The following PIK3C2A variants were observed in gnomAD, a reference collection of about 807,000 sequenced individuals.
PIK3C2A encodes the protein phosphatidylinositol-4-phosphate 3-kinase catalytic subunit type 2 alpha, also known as phosphatidylinositol 4-phosphate 3-kinase C2 domain-containing subunit alpha.
PIK3C2A carries 97 observed loss-of-function variants against 204.5 expected under a neutral mutation model. The ratio of observed to expected loss-of-function variants is 0.47; its 90% CI spans 0.40 to 0.56. The LOEUF is 0.56. PIK3C2A is among the 20% of genes least tolerant of loss of function. The pLI is 0.00. For missense variants in PIK3C2A, 1,735 were observed against 1,969.2 expected, an observed-to-expected ratio of 0.88 and a Z score of 2.25; for synonymous variants, 653 against 664.4, an observed-to-expected ratio of 0.98 and a Z score of 0.26.
intron 26 of PIK3C2A, among the ~76,000 whole-genome samples, chr11:17,099,629 TA>T (rs1169473378): frequency 6.6e-6 from 1 of 151,084 alleles, no homozygotes; most frequent in Non-Finnish European, 1.5e-5. Context: ...ACATATTAAA[TA>T]AACCTTGAGA....
chr11:17,191,970 TAAA>T (rs1194219889), intron 1 of PIK3C2A, among the ~76,000 whole-genome samples: 4 of 117,728 alleles, frequency 3.4e-5, no homozygotes, highest in Admixed American at 8.8e-5. Context: ...CTGCTTCTAC[TAAA>T]AAAAAAAAAA....
chr11:17,190,108 C>A (rs1851890533), intron 1 of PIK3C2A, among the ~76,000 whole-genome samples: 1 of 151,724 alleles, frequency 6.6e-6, no homozygotes, highest in Admixed American at 6.6e-5. Flanking sequence ...ACTAAAAATA[C>A]AAAAATTAGC....
chr11:17,160,307 G>A (rs956129352), intron 2 of PIK3C2A, among the ~76,000 whole-genome samples: 1 of 152,098 alleles, frequency 6.6e-6, no homozygotes, highest in Non-Finnish European at 1.5e-5. Context: ...TATGTTTAAA[G>A]GCTAGACAAA....
intron 2 of PIK3C2A, among the ~76,000 whole-genome samples, chr11:17,166,980 T>C (rs1850977836): frequency 6.7e-6 from 1 of 150,158 alleles, no homozygotes; most frequent in Admixed American, 6.6e-5. Context: ...CAACTGCCCC[T>C]TTTTTTTTGA....
chr11:17,110,458 T>C lies in PIK3C2A; in HGVS notation c.3518A>G (p.Lys1173Arg). 1.2e-6 allele frequency: 2 copies of C among 1,611,722 alleles called. No homozygotes were observed. Among genetic ancestry groups the C allele is most frequent in the Non-Finnish European group, 1.7e-6 (2 of 1,178,686 alleles). ...EGLDLRMVIFKCLSTGRDRGM... is the reference protein window; with the variant it reads ...EGLDLRMVIFRCLSTGRDRGM... ...TCGATCTCTGCCAGTTGAGAGACAT[T>C]TGAAAATTACCATCCTCAGATCTAG... Residue 1173 changes from lysine to arginine, a missense_variant, in exon 22 of 33, where the codon AAA becomes AGA. Physicochemically the swap from Lys to Arg is conservative, Grantham distance 26. Around this residue, in one of 6 missense-constraint regions of PIK3C2A, gnomAD observed 503 missense variants for 669.0 expected, o/e 0.75. Transcript: ENST00000691414.
At chr11:17,163,696 G>A (rs916278277) in intron 2 of PIK3C2A, among the ~76,000 whole-genome samples, 1 of 151,936 alleles carries the variant, frequency 6.6e-6, no homozygotes, top group African/African-American at 2.4e-5. Flanking sequence ...TTACAGGCAT[G>A]AGCCACCAAA....
chr11:17,207,669 G>A (rs1375341566), intron 1 of PIK3C2A, among the ~76,000 whole-genome samples, 179 bp downstream of exon 1: 1 of 152,134 alleles, frequency 6.6e-6, no homozygotes, highest in East Asian at 1.9e-4. Flanking sequence ...AGGCCCGGAG[G>A]GAGGGGGGAG....
chr11:17,184,910 T>C (rs1269945477), intron 1 of PIK3C2A, among the ~76,000 whole-genome samples: 6 of 152,156 alleles, frequency 3.9e-5, no homozygotes, highest in Admixed American at 3.9e-4. Context: ...ACCATTGCAC[T>C]AGCCTGATCA....
rs1416685209 is a variant in PIK3C2A, at chr11:17,105,273, G to C, written c.3577C>G (p.Leu1193Val). Reference sequence around the variant, plus strand: ...CCATATTCCACTTGGATTTTCCTGAGGGTATCGGAAGCAGGAACCAGCTCC... The same window carrying C: ...CCATATTCCACTTGGATTTTCCTGACGGTATCGGAAGCAGGAACCAGCTCC... ...MVELVPASDT[L>V]RKIQVEYGVT... Residue 1193 changes from leucine (L) to valine (V), a missense_variant, in exon 23 of 33, where the codon CTC becomes GTC. Coordinates refer to ENST00000691414, the MANE Select transcript of PIK3C2A (RefSeq NM_002645.4). 3.1e-6 allele frequency: 5 copies of C among 1,610,446 alleles called. No homozygotes were observed. The highest frequency in any genetic ancestry group is 4.2e-6 in the Non-Finnish European group (5 of 1,178,288).
Position 17,119,828 on chromosome 11 carries a change from G to T in PIK3C2A, c.2804C>A (p.Pro935His). The change falls in exon 16 of 33, where the codon CCT becomes CAT. Residue 935 changes from proline to histidine, a missense_variant. Physicochemically the swap from Pro to His is moderately conservative, Grantham distance 77 (BLOSUM62 -2). Around this residue, in one of 6 missense-constraint regions of PIK3C2A, gnomAD observed 567 missense variants for 576.0 expected, o/e 0.98. Coordinates refer to ENST00000691414, the MANE Select transcript of PIK3C2A (RefSeq NM_002645.4). ...CAATGCAATTAGTGGGTACAATGCA[G>T]GCCACTGGTGAAGCAATGAGTAAGT... is the stretch of plus-strand genomic sequence containing the variant. ...AKTYSLLHQWPALYPLIALEL... is the reference protein window; with the variant it reads ...AKTYSLLHQWHALYPLIALEL... 6.2e-7 allele frequency: 1 copy of T among 1,603,668 alleles called. No homozygotes were observed. The highest frequency in any genetic ancestry group is 1.7e-5 in the Admixed American group (1 of 57,754).
intron 12 of PIK3C2A, 58 bp from the exon 13 acceptor site, chr11:17,129,525 A>C: frequency 9.4e-7 from 1 of 1,067,404 alleles, no homozygotes; most frequent in Non-Finnish European, 1.4e-6. Context: ...TTGAAATTTA[A>C]CACTTTAATG....
At chr11:17,114,169 T>C (rs903813829) in intron 20 of PIK3C2A, among the ~76,000 whole-genome samples, 192 bp downstream of exon 20, 1 of 150,042 alleles carries the variant, frequency 6.7e-6, no homozygotes, top group Non-Finnish European at 1.5e-5. Context: ...AATTTTATAC[T>C]TTTTTTTTCC....
intron 19 of PIK3C2A, among the ~76,000 whole-genome samples, chr11:17,115,007 A>T (rs907246873): frequency 1.3e-5 from 2 of 152,216 alleles, no homozygotes; most frequent in Non-Finnish European, 2.9e-5. Flanking sequence ...CAGGTAAACA[A>T]TGTATATAGA....
At chr11:17,143,927 ACT>A (rs1402936371) in intron 8 of PIK3C2A, among the ~76,000 whole-genome samples, 1 of 152,032 alleles carries the variant, frequency 6.6e-6, no homozygotes, top group Admixed American at 6.6e-5. Flanking sequence ...ACAAGGTAAG[ACT>A]CTGTCTCAAA....
At chr11:17,131,622 C>T (rs955564845) in intron 12 of PIK3C2A, among the ~76,000 whole-genome samples, 13 of 151,990 alleles carry the variant, frequency 8.6e-5, no homozygotes, top group Non-Finnish European at 1.5e-4. Context: ...GGGGTTTCAC[C>T]GTGTTAACCA....
At chr11:17,138,463 A>G (rs1171107391) in intron 8 of PIK3C2A, among the ~76,000 whole-genome samples, 1 of 151,902 alleles carries the variant, frequency 6.6e-6, no homozygotes, top group African/African-American at 2.4e-5. Context: ...ATAGGCAACT[A>G]TGTATTCCTG....
At chr11:17,109,410 T>C (rs1201879854) in intron 22 of PIK3C2A, among the ~76,000 whole-genome samples, 1 of 152,230 alleles carries the variant, frequency 6.6e-6, no homozygotes, top group African/African-American at 2.4e-5. Flanking sequence ...ATTGAGCACA[T>C]AATACATATC....
intron 8 of PIK3C2A, chr11:17,138,223 T>C (rs552860951): frequency 1.0e-6 from 1 of 987,338 alleles, no homozygotes; most frequent in South Asian, 1.3e-5. Flanking sequence ...CCAACCTTCT[T>C]GGTACAAAGG....
intron 1 of PIK3C2A, among the ~76,000 whole-genome samples, chr11:17,174,656 T>C (rs1157585606): frequency 1.3e-5 from 2 of 150,560 alleles, no homozygotes; most frequent in Non-Finnish European, 2.9e-5. Flanking sequence ...CCCAGCACTT[T>C]GGGAGGCTGA....
Sources: allele counts gnomAD v4.1 joint callset (sites outside exome capture counted in the v4.1 genomes callset), GRCh38; gene constraint gnomAD v4.1.1; regional missense constraint gnomAD v4.1.1; transcripts MANE v1.5; gene names NCBI Gene and HGNC (gene_info 2026-07-23, HGNC 2026-07-21).